The following CNTNAP2 variants were observed in gnomAD, a reference collection of about 807,000 sequenced individuals.
CNTNAP2 encodes the protein contactin associated protein 2.
In CNTNAP2, 98 loss-of-function variants were observed where a neutral mutation model predicts 155.2. That is an observed-to-expected ratio of 0.63 (90% CI 0.54 to 0.75). The LOEUF (loss-of-function observed/expected upper bound fraction) is 0.75. Ranked by LOEUF, CNTNAP2 falls within the 30% of genes least tolerant of loss-of-function variation. The probability of loss-of-function intolerance (pLI) is 0.00; values close to 1 mark genes in which losing one functional copy is unlikely to be tolerated. For synonymous variants in CNTNAP2, 651 were observed against 631.2 expected, an observed-to-expected ratio of 1.03 and a Z score of -0.47; for missense variants, 1,727 against 1,688.1, an observed-to-expected ratio of 1.02 and a Z score of -0.40.
intron 1 of CNTNAP2, among the ~76,000 whole-genome samples, chr7:146,383,582 C>A (rs1025447203): frequency 4.6e-5 from 7 of 152,084 alleles, no homozygotes; most frequent in East Asian, 1.9e-4. Context: ...TTTGGTGTGA[C>A]CTAGGTGAAT....
At chr7:147,188,340 CG>C (rs1802610051) in intron 8 of CNTNAP2, among the ~76,000 whole-genome samples, 1 of 152,006 alleles carries the variant, frequency 6.6e-6, no homozygotes, top group African/African-American at 2.4e-5. Context: ...TTGAGAAGTT[CG>C]AAGCCTGTCA....
chr7:148,257,022 A>AGCAGAAGAGCATTCTGG (rs1796467214), intron 20 of CNTNAP2, among the ~76,000 whole-genome samples: 1 of 152,190 alleles, frequency 6.6e-6, no homozygotes. Flanking sequence ...GTGAAAGGAC[A>AGCAGAAGAGCATTCTGG]GCAGAAGAGC....
At chr7:148,155,755 CA>C (rs1805387778) in intron 17 of CNTNAP2, among the ~76,000 whole-genome samples, 1 of 152,074 alleles carries the variant, frequency 6.6e-6, no homozygotes, top group African/African-American at 2.4e-5. Flanking sequence ...AAAGTGAGGT[CA>C]GGGGTCTAGG....
intron 1 of CNTNAP2, among the ~76,000 whole-genome samples, chr7:146,443,890 T>G (rs1796363153): frequency 6.6e-6 from 1 of 152,182 alleles, no homozygotes; most frequent in South Asian, 2.1e-4. Flanking sequence ...CAGAATTACA[T>G]AAGTATAGCC....
At chr7:147,612,242 G>T (rs1371165076) in intron 12 of CNTNAP2, among the ~76,000 whole-genome samples, 2 of 152,000 alleles carry the variant, frequency 1.3e-5, no homozygotes, top group African/African-American at 2.4e-5. Context: ...AAAATGACCA[G>T]TATTTGTTAG....
At chr7:147,802,140 G>A (rs1428216705) in intron 13 of CNTNAP2, among the ~76,000 whole-genome samples, 1 of 150,454 alleles carries the variant, frequency 6.6e-6, no homozygotes, top group African/African-American at 2.5e-5. Flanking sequence ...CCCAGACGGG[G>A]TCGCGGCCGG....
chr7:146,213,797 A>C (rs999160506), intron 1 of CNTNAP2, among the ~76,000 whole-genome samples: 2 of 152,164 alleles, frequency 1.3e-5, no homozygotes, highest in African/African-American at 2.4e-5. Flanking sequence ...CCTGTCAACC[A>C]ATGTCTGAAT....
chr7:146,987,799 A>G (rs1248291312), intron 3 of CNTNAP2, among the ~76,000 whole-genome samples: 1 of 152,154 alleles, frequency 6.6e-6, no homozygotes, highest in Non-Finnish European at 1.5e-5. Context: ...ACTTTGACAT[A>G]CTTAAACTCT....
At chr7:146,209,230 C>T (rs1243042885) in intron 1 of CNTNAP2, among the ~76,000 whole-genome samples, 1 of 152,030 alleles carries the variant, frequency 6.6e-6, no homozygotes, top group East Asian at 1.9e-4. Context: ...CAGTCAGAAC[C>T]GGTTTGAGAG....
At chr7:146,707,031 G>GA (rs1305303776) in intron 1 of CNTNAP2, among the ~76,000 whole-genome samples, 3 of 151,996 alleles carry the variant, frequency 2.0e-5, no homozygotes, top group Non-Finnish European at 4.4e-5. Context: ...CTTTGGCAGT[G>GA]AAAATTAGCC....
At position 148,192,597 on chromosome 7, in the gene CNTNAP2, G is replaced by T. The variant is rs552992508; in HGVS notation, c.3010+20119G>T. 2.0e-5 allele frequency among the ~76,000 whole-genome samples: 3 copies of T among 149,612 alleles called. No individual in the cohort carries two copies. The East Asian group carries it at 5.9e-4, about 29-fold the overall frequency. The stretch of plus-strand genomic sequence containing the variant: ...GCCGAGATCACGCCATTGCACTCCA[G>T]CCTGGGCTACAAGAGCAAAACTCCG... On this transcript the variant is annotated intron_variant, in intron 18 of 23. Transcript: ENST00000361727.
chr7:148,093,959 T>G (rs377171761), intron 15 of CNTNAP2, among the ~76,000 whole-genome samples: 1 of 152,148 alleles, frequency 6.6e-6, no homozygotes. Flanking sequence ...GATTTCGCAA[T>G]GTTGCCCAGG....
intron 13 of CNTNAP2, among the ~76,000 whole-genome samples, chr7:147,839,079 G>A (rs973792110): frequency 2.0e-5 from 3 of 152,186 alleles, no homozygotes; most frequent in African/African-American, 7.2e-5. Flanking sequence ...TCAAGGGCAG[G>A]AAGTAGCCAG....
At chr7:146,651,070 C>T (rs542457654) in intron 1 of CNTNAP2, among the ~76,000 whole-genome samples, 1 of 151,812 alleles carries the variant, frequency 6.6e-6, no homozygotes, top group Non-Finnish European at 1.5e-5. Flanking sequence ...CAGACTATCA[C>T]ACTCTAATAC....
chr7:147,641,598 A>C (rs1795279657), intron 13 of CNTNAP2, among the ~76,000 whole-genome samples: 1 of 152,184 alleles, frequency 6.6e-6, no homozygotes, highest in African/African-American at 2.4e-5. Context: ...CCTAACACCC[A>C]ATGTGACTAT....
rs546014162 is a variant in CNTNAP2 at position 147,341,441 on chromosome 7, A to T, written c.1498+41151A>T. Among the ~76,000 whole-genome samples the T allele has an allele frequency of 5.4e-4, 77 of 142,088 alleles. 1 individual carries two copies. The East Asian group carries it at 0.013, about 25-fold the overall frequency. The allele number at this position is 142,088 out of a possible 152,430, so 93.2% of individuals were successfully genotyped here. ...ATCCCAGAAATTAAAGTATAAAAAAAAAATTTAAAAAATAATAAAAAGGGA... is the reference window on the plus strand; with the variant it reads ...ATCCCAGAAATTAAAGTATAAAAAATAAATTTAAAAAATAATAAAAAGGGA... On this transcript the variant is annotated intron_variant, in intron 9 of 23. Coordinates refer to ENST00000361727, the MANE Select transcript of CNTNAP2 (RefSeq NM_014141.6).
chr7:146,467,478 C>G (rs769344), intron 1 of CNTNAP2, among the ~76,000 whole-genome samples: 14,440 of 152,134 alleles, frequency 0.095, 728 homozygotes, highest in African/African-American at 0.12. Flanking sequence ...TTCAATTGAT[C>G]ATTCTGCATC....
intron 15 of CNTNAP2, among the ~76,000 whole-genome samples, chr7:148,039,130 G>A (rs1437827110): frequency 6.6e-6 from 1 of 152,114 alleles, no homozygotes; most frequent in African/African-American, 2.4e-5. Flanking sequence ...CTGGTAGCAT[G>A]GCTCAGTCTA....
rs1243572995 is a variant in CNTNAP2 at position 146,151,666 on chromosome 7, ATATATATATATATATG to A, written c.97+34739_97+34754del. 9.1e-3 allele frequency among the ~76,000 whole-genome samples: 577 copies of A among 63,724 alleles called. 9 individuals are homozygous for A. Among genetic ancestry groups the A allele is most frequent in the South Asian group, 0.025 (45 of 1,834 alleles). 41.8% of individuals were successfully genotyped at this position (63,724 alleles called of 152,430 possible). On this transcript the variant is annotated intron_variant, in intron 1 of 23. Transcript: ENST00000361727. ...TATATATATATATATATATATATAT[ATATATATATATATATG>A]TATATATATATATATGTATATATAT...
Sources: allele counts gnomAD v4.1 joint callset (sites outside exome capture counted in the v4.1 genomes callset), GRCh38; gene constraint gnomAD v4.1.1; transcripts MANE v1.5; gene names NCBI Gene and HGNC (gene_info 2026-07-23, HGNC 2026-07-21).